The following CUL2 variants were observed in gnomAD, a reference collection of about 807,000 sequenced individuals.
CUL2 encodes cullin 2.
A neutral mutation model predicts 110.2 loss-of-function variants in CUL2; 22 were observed. That is an observed-to-expected ratio of 0.20 (90% CI 0.14 to 0.28). The LOEUF is 0.28. Ranked by LOEUF, CUL2 falls within the 10% of genes least tolerant of loss-of-function variation. The pLI, the probability that CUL2 is intolerant of heterozygous loss-of-function variation, is 1.00. For missense variants in CUL2, 631 were observed against 905.5 expected, an observed-to-expected ratio of 0.70 and a Z score of 3.89; for synonymous variants, 279 against 293.2, an observed-to-expected ratio of 0.95 and a Z score of 0.49.
intron 2 of CUL2, 106 bp downstream of exon 2, chr10:35,071,093 G>A: frequency 1.8e-6 from 2 of 1,107,648 alleles, no homozygotes; most frequent in South Asian, 3.1e-5. Flanking sequence ...TAATATATTA[G>A]AAAATAGTTA....
intron 4 of CUL2, among the ~76,000 whole-genome samples, chr10:35,054,806 C>A (rs2086202584): frequency 2.6e-5 from 4 of 152,154 alleles, no homozygotes; most frequent in Admixed American, 2.6e-4. Flanking sequence ...TCGTTTGCTA[C>A]TTCCCAGACT....
Position 35,026,914 on chromosome 10 carries a change from A to T in CUL2, c.1618-1716T>A, listed in dbSNP as rs2085349655. Reference sequence around the variant, plus strand: ...TTAGTTACATATGCATACATGTGCCATGCTGGTGTGCTGCACCCACTAACT... The same window carrying T: ...TTAGTTACATATGCATACATGTGCCTTGCTGGTGTGCTGCACCCACTAACT... On this transcript the variant is annotated intron_variant, in intron 16 of 20. Coordinates refer to ENST00000374749, the MANE Select transcript of CUL2 (RefSeq NM_003591.4). Among the ~76,000 whole-genome samples, 3 of 152,204 alleles carry T rather than the reference A, an allele frequency of 2.0e-5. No individual in the cohort carries two copies. In the South Asian group the frequency reaches 6.2e-4, roughly 32 times the overall value.
intron 2 of CUL2, among the ~76,000 whole-genome samples, chr10:35,068,748 T>C (rs976890194): frequency 6.6e-6 from 1 of 152,240 alleles, no homozygotes; most frequent in African/African-American, 2.4e-5. Context: ...GTATTTACAT[T>C]GTATGGCCCT....
intron 2 of CUL2, among the ~76,000 whole-genome samples, chr10:35,096,992 T>C (rs968311024): frequency 5.3e-5 from 8 of 152,094 alleles, no homozygotes; most frequent in Non-Finnish European, 1.0e-4. Context: ...GTATTTTTCG[T>C]AGAGACGGGG....
intron 4 of CUL2, among the ~76,000 whole-genome samples, chr10:35,057,253 G>A (rs2086260486): frequency 1.3e-5 from 2 of 152,286 alleles, no homozygotes; most frequent in East Asian, 1.9e-4. Flanking sequence ...AGACAAACCA[G>A]TATTATCTTT....
At position 35,033,563 on chromosome 10, in the gene CUL2, C is replaced by T. The variant is rs371113039; in HGVS notation, c.1003-290G>A. Among the ~76,000 whole-genome samples, 9 of 151,796 alleles carry T rather than the reference C, an allele frequency of 5.9e-5. No individual in the cohort carries two copies. The South Asian group carries it at 6.2e-4, about 11-fold the overall frequency. On this transcript the variant is annotated intron_variant, in intron 10 of 20. Transcript: ENST00000374749. ...CATCCTGGCCAACACGGTGAAACCCCGTCTCTACTAAAAATACAAAAAAAT... is the reference window on the plus strand; with the variant it reads ...CATCCTGGCCAACACGGTGAAACCCTGTCTCTACTAAAAATACAAAAAAAT...
chr10:35,109,569 C>T (rs2087503308), intron 1 of CUL2, among the ~76,000 whole-genome samples: 1 of 152,158 alleles, frequency 6.6e-6, no homozygotes, highest in Non-Finnish European at 1.5e-5. Context: ...GGCCATTAGG[C>T]AAGGATTTTC....
chr10:35,038,936 TCGAA>T lies in CUL2; in HGVS notation c.857_860del (p.Ile286AsnfsTer25). On this transcript the variant is annotated frameshift_variant, in exon 9 of 21. Coordinates refer to ENST00000374749, the MANE Select transcript of CUL2 (RefSeq NM_003591.4). LOFTEE classifies it high-confidence loss of function. ...GTCACTTACCATTTTTTTTCTCTTG[TCGAA>T]TTATATTATGACATTCTGCATGTAA... 1 of 1,590,866 alleles carries T rather than the reference TCGAA, an allele frequency of 6.3e-7. No homozygotes were observed. Among genetic ancestry groups the T allele is most frequent in the Admixed American group, 1.8e-5 (1 of 55,532 alleles).
At chr10:35,029,071 T>TG (rs971494136) in intron 15 of CUL2, among the ~76,000 whole-genome samples, 184 bp from the exon 16 acceptor site, 126 of 151,848 alleles carry the variant, frequency 8.3e-4, no homozygotes, top group African/African-American at 2.8e-3. Flanking sequence ...TTGTTTTTTT[T>TG]TTTTGAGATG....
chr10:35,037,215 T>C (rs2085644974), intron 9 of CUL2, among the ~76,000 whole-genome samples: 1 of 152,220 alleles, frequency 6.6e-6, no homozygotes, highest in Non-Finnish European at 1.5e-5. Context: ...CTTGAGGTAG[T>C]GATCAAATTT....
At chr10:35,044,978 T>A in intron 6 of CUL2, 110 bp from the exon 7 acceptor site, 1 of 684,454 alleles carries the variant, frequency 1.5e-6, no homozygotes, top group Non-Finnish European at 2.5e-6. Context: ...AATCAAAGTG[T>A]AAAGAACTAT....
Position 35,016,349 on chromosome 10 carries a change from A to G in CUL2, c.1730T>C (p.Val577Ala), listed in dbSNP as rs1182116374. ...NYLGKPYVAM[V>A]TTYQMAVLLA... ...AAGAACTGCCATTTGGTATGTTGTA[A>G]CCATGGCTACATATGGTTTGCCCAA... is the stretch of plus-strand genomic sequence containing the variant. The change falls in exon 18 of 21, where the codon GTT becomes GCT. Residue 577 changes from valine to alanine, a missense_variant. Physicochemically the swap from Val to Ala is moderately conservative, Grantham distance 64 (BLOSUM62 0). Around this residue, in one of 3 missense-constraint regions of CUL2, gnomAD observed 134 missense variants for 260.4 expected, o/e 0.51. Coordinates refer to ENST00000374749, the MANE Select transcript of CUL2 (RefSeq NM_003591.4). 1 of 1,613,440 alleles carries G rather than the reference A, an allele frequency of 6.2e-7. No individual in the cohort carries two copies. The highest frequency in any genetic ancestry group is 8.5e-7 in the Non-Finnish European group (1 of 1,179,704).
At chr10:35,043,199 G>A (rs186022427) in intron 8 of CUL2, among the ~76,000 whole-genome samples, 1 of 152,234 alleles carries the variant, frequency 6.6e-6, no homozygotes, top group Non-Finnish European at 1.5e-5. Flanking sequence ...CTGGGCTACT[G>A]CCACCACTTG....
intron 1 of CUL2, among the ~76,000 whole-genome samples, chr10:35,113,717 A>AT (rs1479226485): frequency 1.3e-5 from 2 of 150,718 alleles, no homozygotes; most frequent in Non-Finnish European, 3.0e-5. Flanking sequence ...TTTCTTTTTT[A>AT]TTTTTTTGAG....
At chr10:35,024,182 T>TA (rs1283068829) in intron 17 of CUL2, among the ~76,000 whole-genome samples, 3 of 152,130 alleles carry the variant, frequency 2.0e-5, no homozygotes, top group African/African-American at 4.8e-5. Context: ...AGAGTATCAG[T>TA]AAAAAATCTC....
intron 1 of CUL2, among the ~76,000 whole-genome samples, chr10:35,122,553 C>G (rs762391933): frequency 6.6e-6 from 1 of 152,142 alleles, no homozygotes; most frequent in Non-Finnish European, 1.5e-5. Context: ...GTGCCAGGCA[C>G]AATGTTCTAT....
At chr10:35,067,361 C>G (rs1206452915) in intron 2 of CUL2, among the ~76,000 whole-genome samples, 2 of 152,044 alleles carry the variant, frequency 1.3e-5, no homozygotes, top group Non-Finnish European at 2.9e-5. Flanking sequence ...GAAATCTGTC[C>G]TAACAGCTAC....
intron 3 of CUL2, among the ~76,000 whole-genome samples, chr10:35,061,513 C>CA (rs1406208945): frequency 6.0e-5 from 9 of 149,996 alleles, no homozygotes; most frequent in East Asian, 2.0e-4. Context: ...TATAAAATTG[C>CA]AAAAAAATTA....
chr10:35,081,091 G>A (rs2086936797), intron 1 of CUL2, among the ~76,000 whole-genome samples: 1 of 152,046 alleles, frequency 6.6e-6, no homozygotes, highest in African/African-American at 2.4e-5. Flanking sequence ...CTGGTAACAT[G>A]CGCCCGCAGG....
Sources: gnomAD v4.1 joint callset for allele counts (sites outside exome capture counted in the v4.1 genomes callset) on GRCh38, gnomAD v4.1.1 for gene constraint, gnomAD v4.1.1 regional missense constraint, MANE v1.5 for transcripts, NCBI Gene and HGNC (gene_info 2026-07-23, HGNC 2026-07-21) for gene names.